SENP6: variants seen among roughly 807,000 people sequenced by gnomAD.
SENP6 encodes the protein sentrin-specific protease 6.
Under a neutral mutation model 134.5 loss-of-function variants are expected in SENP6, and 41 were observed. That is an observed-to-expected ratio of 0.30 (90% CI 0.24 to 0.40). The LOEUF (loss-of-function observed/expected upper bound fraction) is 0.40, where lower values mean the gene tolerates loss of function less well. Among genes scored for constraint, SENP6 ranks in the 10% least tolerant of loss-of-function variants. The probability of loss-of-function intolerance (pLI) is 1.00; values close to 1 mark genes in which losing one functional copy is unlikely to be tolerated. For missense variants in SENP6, 1,248 were observed against 1,312.5 expected, an observed-to-expected ratio of 0.95 and a Z score of 0.76; for synonymous variants, 395 against 429.8, an observed-to-expected ratio of 0.92 and a Z score of 1.00.
At chr6:75,642,258 C>T (rs770726650) in intron 6 of SENP6, among the ~76,000 whole-genome samples, 22 of 152,218 alleles carry the variant, frequency 1.4e-4, no homozygotes, top group Non-Finnish European at 5.9e-5. Flanking sequence ...CTGTAGTTTA[C>T]ATTCTTATGG....
intron 13 of SENP6, 126 bp downstream of exon 13, chr6:75,676,180 G>A (rs1011232085): frequency 2.5e-5 from 13 of 518,316 alleles, no homozygotes; most frequent in Non-Finnish European, 4.1e-5. Flanking sequence ...AATTGTCACA[G>A]CCACCTTGTG....
rs116927761 is a variant in SENP6 at position 75,712,327 on chromosome 6, T to C, written c.2909+911T>C. Among the ~76,000 whole-genome samples the C allele has an allele frequency of 2.2e-4, 34 of 152,146 alleles. 1 individual carries two copies. In the East Asian group the frequency reaches 5.2e-3, roughly 23 times the overall value. ...AATGCAGCATCATTCTACAGAAAAA[T>C]AGAGACCTAGGGTAGTTAAACAATC... On this transcript the variant is annotated intron_variant, in intron 21 of 23. Transcript: ENST00000447266.
At chr6:75,688,805 C>T (rs758989460) in intron 16 of SENP6, among the ~76,000 whole-genome samples, 16 of 152,168 alleles carry the variant, frequency 1.1e-4, no homozygotes, top group Non-Finnish European at 1.9e-4. Flanking sequence ...TGGTGGCTCA[C>T]GCCTATAATC....
intron 3 of SENP6, among the ~76,000 whole-genome samples, chr6:75,632,246 G>A (rs184406520): frequency 6.6e-6 from 1 of 152,292 alleles, no homozygotes; most frequent in East Asian, 1.9e-4. Flanking sequence ...TAATAGAGGA[G>A]TGGTTAAATT....
rs1455683643 is a variant in SENP6, at chr6:75,703,068, T to C, written c.2712T>C (p.His904=). 1.3e-6 allele frequency: 2 copies of C among 1,589,110 alleles called. No individual in the cohort carries two copies. Among genetic ancestry groups the C allele is most frequent in the East Asian group, 2.2e-5 (1 of 44,736 alleles). Residue 904 remains histidine, a synonymous_variant, in exon 19 of 24, where the codon CAT becomes CAC. Coordinates refer to ENST00000447266, the MANE Select transcript of SENP6 (RefSeq NM_015571.4). Reference sequence around the variant, plus strand: ...ATGAAAGTTTAAGTTCCACACATCATACAGGTATGTATCTAAATGTTTTGA... The same window carrying C: ...ATGAAAGTTTAAGTTCCACACATCACACAGGTATGTATCTAAATGTTTTGA... ...LQNESLSSTH[H]TDGLSKIRLN...
chr6:75,607,790 G>C (rs1582646551), intron 1 of SENP6, among the ~76,000 whole-genome samples: 1 of 152,132 alleles, frequency 6.6e-6, no homozygotes. Context: ...CAAATGAAAA[G>C]TGTTTTCCAT....
intron 1 of SENP6, among the ~76,000 whole-genome samples, chr6:75,605,747 TGAC>T (rs1388967428): frequency 9.2e-5 from 14 of 152,302 alleles, no homozygotes; most frequent in African/African-American, 3.4e-4. Flanking sequence ...GGGAAGCCAT[TGAC>T]GAGTTTGGCG....
chr6:75,645,673 G>C (rs1770380318), intron 6 of SENP6, among the ~76,000 whole-genome samples: 1 of 152,108 alleles, frequency 6.6e-6, no homozygotes, highest in Non-Finnish European at 1.5e-5. Context: ...TAGCAAAAAG[G>C]TTTTAAAACT....
intron 1 of SENP6, among the ~76,000 whole-genome samples, chr6:75,612,156 A>G (rs941267736): frequency 6.6e-4 from 101 of 152,126 alleles, no homozygotes; most frequent in African/African-American, 2.4e-3. Flanking sequence ...GGGAAGTTCC[A>G]TGTCTGCAGT....
chr6:75,681,507 A>G (rs1329264203), intron 16 of SENP6, among the ~76,000 whole-genome samples: 3 of 150,302 alleles, frequency 2.0e-5, no homozygotes, highest in Non-Finnish European at 4.4e-5. Context: ...CACCCAGTCT[A>G]CAGTGCAGTG....
At chr6:75,706,005 T>C (rs1297623480) in intron 19 of SENP6, among the ~76,000 whole-genome samples, 2 of 144,678 alleles carry the variant, frequency 1.4e-5, no homozygotes, top group Non-Finnish European at 3.0e-5. Flanking sequence ...GGCGTAATCT[T>C]GTCTCACTGC....
intron 5 of SENP6, among the ~76,000 whole-genome samples, chr6:75,638,588 GTGTATATATATATATATATATATA>G (rs1445679659): frequency 3.2e-5 from 1 of 31,048 alleles, no homozygotes; most frequent in African/African-American, 1.1e-4. Flanking sequence ...GTGTGTGTGT[GTGTATATATATATATATATATATA>G]TATATATATA....
At chr6:75,695,455 G>A (rs754789198) in intron 16 of SENP6, among the ~76,000 whole-genome samples, 2 of 152,270 alleles carry the variant, frequency 1.3e-5, no homozygotes, top group Non-Finnish European at 2.9e-5. Context: ...AGCGAACTGT[G>A]GCCGGGCGCC....
At chr6:75,639,347 A>C (rs1769851067) in intron 5 of SENP6, among the ~76,000 whole-genome samples, 1 of 152,100 alleles carries the variant, frequency 6.6e-6, no homozygotes, top group South Asian at 2.1e-4. Flanking sequence ...CAGATATATT[A>C]ATGTACATTT....
chr6:75,691,991 G>T (rs1774309426), intron 16 of SENP6, among the ~76,000 whole-genome samples: 1 of 152,050 alleles, frequency 6.6e-6, no homozygotes, highest in African/African-American at 2.4e-5. Context: ...TGAGTAGCTG[G>T]GATTACAGGC....
chr6:75,679,200 G>T (rs1364580756), intron 16 of SENP6: 8 of 277,026 alleles, frequency 2.9e-5, no homozygotes, highest in Non-Finnish European at 4.7e-5. Flanking sequence ...GATCGCTTGA[G>T]CCCAAGAGTT....
chr6:75,666,130 CGTATATATGATATATATAAAACAT>C (rs1562024415), intron 9 of SENP6, among the ~76,000 whole-genome samples: 10 of 130,430 alleles, frequency 7.7e-5, no homozygotes, highest in South Asian at 2.4e-4. Flanking sequence ...ATATATAAAA[CGTATATATGATATATATAAAACAT>C]ATATGATATA....
chr6:75,643,278 C>A (rs951748306), intron 6 of SENP6, among the ~76,000 whole-genome samples: 1 of 152,032 alleles, frequency 6.6e-6, no homozygotes, highest in Admixed American at 6.6e-5. Flanking sequence ...AAAAGACATG[C>A]TGATTTGATT....
At chr6:75,619,673 T>C (rs1768117066) in intron 1 of SENP6, among the ~76,000 whole-genome samples, 1 of 152,196 alleles carries the variant, frequency 6.6e-6, no homozygotes, top group African/African-American at 2.4e-5. Context: ...ATGTTTAACT[T>C]TTTGAGGAAC....
Sources: gnomAD v4.1 joint callset for allele counts (sites outside exome capture counted in the v4.1 genomes callset) on GRCh38, gnomAD v4.1.1 for gene constraint, MANE v1.5 for transcripts, NCBI Gene and HGNC (gene_info 2026-07-23, HGNC 2026-07-21) for gene names.